The following PTPRN2 variants were observed in gnomAD, a reference collection of about 807,000 sequenced individuals.
The protein encoded by PTPRN2 is protein tyrosine phosphatase receptor type N2.
PTPRN2 carries 74 observed loss-of-function variants against 118.8 expected under a neutral mutation model. That is an observed-to-expected ratio of 0.62 (90% CI 0.52 to 0.76). PTPRN2 has a LOEUF of 0.76. Among genes scored for constraint, PTPRN2 ranks in the 30% least tolerant of loss-of-function variants. The pLI is 0.00. For missense variants in PTPRN2, 1,481 were observed against 1,394.4 expected (o/e 1.06, Z -0.99); for synonymous variants, 641 against 608.0 (o/e 1.05, Z -0.80).
intron 12 of PTPRN2, among the ~76,000 whole-genome samples, chr7:157,800,741 A>G (rs1585503678): frequency 6.6e-6 from 1 of 152,004 alleles, no homozygotes. Flanking sequence ...TCACGAGGTC[A>G]GGAGATCGAG....
chr7:157,637,581 C>T (rs1481922834), intron 14 of PTPRN2, among the ~76,000 whole-genome samples: 1 of 152,196 alleles, frequency 6.6e-6, no homozygotes. Flanking sequence ...CCTCTCCCCA[C>T]CCTGATGGTC....
chr7:158,164,527 AGCGC>A, intron 6 of PTPRN2, among the ~76,000 whole-genome samples: 2 of 3,194 alleles, frequency 6.3e-4, no homozygotes, highest in African/African-American at 9.2e-3. Context: ...TCAGAGCGGG[AGCGC>A]GCACGTAGGG....
intron 6 of PTPRN2, among the ~76,000 whole-genome samples, chr7:158,146,435 T>C (rs904205222): frequency 1.3e-5 from 2 of 151,998 alleles, no homozygotes; most frequent in African/African-American, 4.8e-5. Context: ...TTCTAAGAAA[T>C]AATAGGCTGG....
intron 3 of PTPRN2, among the ~76,000 whole-genome samples, chr7:158,284,336 G>C (rs1027659711): frequency 1.3e-5 from 2 of 151,962 alleles, no homozygotes; most frequent in Admixed American, 6.5e-5. Context: ...CTCCAAGTCA[G>C]CCGGGCACTG....
chr7:158,092,321 G>T (rs1814258446), intron 10 of PTPRN2, among the ~76,000 whole-genome samples: 1 of 141,592 alleles, frequency 7.1e-6, no homozygotes, highest in Non-Finnish European at 1.5e-5. Context: ...AGGGAGGATG[G>T]GTGGATGGAT....
intron 12 of PTPRN2, among the ~76,000 whole-genome samples, chr7:157,734,467 A>T (rs1293464521): frequency 6.6e-6 from 1 of 152,252 alleles, no homozygotes; most frequent in Non-Finnish European, 1.5e-5. Context: ...GCATGCTTGA[A>T]TATAATGAGT....
At chr7:158,328,105 G>A (rs769303361) in intron 2 of PTPRN2, among the ~76,000 whole-genome samples, 5 of 152,192 alleles carry the variant, frequency 3.3e-5, no homozygotes, top group Non-Finnish European at 7.3e-5. Context: ...AGCTGTAAAA[G>A]TGCTCCCATT....
At chr7:158,441,796 G>A (rs1165963237) in intron 2 of PTPRN2, among the ~76,000 whole-genome samples, 36 of 141,764 alleles carry the variant, frequency 2.5e-4, no homozygotes, top group Non-Finnish European at 5.3e-4. Flanking sequence ...TGATAGTGAT[G>A]GTCATGGCAG....
At position 157,615,640 on chromosome 7, in the gene PTPRN2, G is replaced by A. The variant is rs775176295; in HGVS notation, c.2344+5722C>T. On this transcript the variant is annotated intron_variant, in intron 15 of 22. Coordinates refer to ENST00000389418, the MANE Select transcript of PTPRN2 (RefSeq NM_002847.5). This position sits in a 1 kb window ranked among gnomAD's most constrained non-coding sequence, Gnocchi z 4.3. ...GCTCAGCACTGGTCCTGCGGAATGT[G>A]TTTTTATCAATGACTTGACGACGTG... 1 of 467,110 alleles carries A rather than the reference G, an allele frequency of 2.1e-6. No individual in the cohort carries two copies. The highest frequency in any genetic ancestry group is 1.6e-5 in the South Asian group (1 of 64,498). The allele number at this position is 467,110 out of a possible 1,614,324, so 28.9% of individuals were successfully genotyped here.
At position 157,611,794 on chromosome 7, in the gene PTPRN2, G is replaced by T; in HGVS notation, c.2345-7719C>A. On this transcript the variant is annotated intron_variant, in intron 15 of 22. Coordinates refer to ENST00000389418, the MANE Select transcript of PTPRN2 (RefSeq NM_002847.5). This position sits in a 1 kb window ranked among gnomAD's most constrained non-coding sequence, Gnocchi z 5.9. The stretch of plus-strand genomic sequence containing the variant: ...AGCCGCAGTCATGCTGGGGACACGC[G>T]GAGGGAGAGCGCCCGTGTGAAGACG... Among the ~76,000 whole-genome samples the T allele has an allele frequency of 7.4e-6, 1 of 135,088 alleles. No individual in the cohort carries two copies. Among genetic ancestry groups the T allele is most frequent in the African/African-American group, 3.1e-5 (1 of 32,130 alleles). 88.6% of individuals were successfully genotyped at this position (135,088 alleles called of 152,430 possible).
chr7:157,606,592 C>T (rs543394796), intron 15 of PTPRN2, among the ~76,000 whole-genome samples: 11 of 152,336 alleles, frequency 7.2e-5, no homozygotes, highest in South Asian at 2.1e-4. Flanking sequence ...CTGGAGCCCT[C>T]GGAGGCCAGT....
At chr7:158,223,276 T>C (rs1478808579) in intron 3 of PTPRN2, among the ~76,000 whole-genome samples, 2 of 152,182 alleles carry the variant, frequency 1.3e-5, no homozygotes, top group African/African-American at 4.8e-5. Flanking sequence ...ATTCCATAAA[T>C]ATCTTCCAGA....
chr7:158,179,968 G>A (rs1168717124), intron 5 of PTPRN2, among the ~76,000 whole-genome samples: 2 of 152,252 alleles, frequency 1.3e-5, no homozygotes, highest in Non-Finnish European at 2.9e-5. Flanking sequence ...GCTTCCCTGA[G>A]CTGCTACTCT....
At chr7:157,595,197 C>T (rs146321158) in intron 17 of PTPRN2, 41 bp downstream of exon 17, 2 of 1,589,770 alleles carry the variant, frequency 1.3e-6, no homozygotes, top group South Asian at 2.2e-5. Context: ...TTATTGAGAT[C>T]TTCTTTTCAG....
intron 11 of PTPRN2, among the ~76,000 whole-genome samples, chr7:157,979,343 T>C (rs367702355): frequency 8.5e-5 from 13 of 152,252 alleles, no homozygotes; most frequent in African/African-American, 2.9e-4. Context: ...TATCCTTTAA[T>C]CCATGGTTTT....
intron 13 of PTPRN2, among the ~76,000 whole-genome samples, chr7:157,681,911 C>T (rs1796932256): frequency 6.6e-6 from 1 of 152,212 alleles, no homozygotes; most frequent in African/African-American, 2.4e-5. Flanking sequence ...ACTTTTAAAA[C>T]AGTGGTTAAG....
chr7:157,950,336 C>T (rs1800728734), intron 11 of PTPRN2, among the ~76,000 whole-genome samples: 1 of 152,188 alleles, frequency 6.6e-6, no homozygotes, highest in Non-Finnish European at 1.5e-5. Flanking sequence ...GTCAAATGCT[C>T]ACTGCTGGTC....
chr7:158,085,847 C>T (rs1384275394), intron 10 of PTPRN2, among the ~76,000 whole-genome samples: 6 of 144,194 alleles, frequency 4.2e-5, no homozygotes, highest in Admixed American at 2.8e-4. Flanking sequence ...CCATGACGCC[C>T]ATCCACACCC....
intron 3 of PTPRN2, among the ~76,000 whole-genome samples, chr7:158,296,293 C>G (rs1800493225): frequency 6.6e-6 from 1 of 152,140 alleles, no homozygotes; most frequent in Non-Finnish European, 1.5e-5. Flanking sequence ...CACTGACAGG[C>G]ACCAGCAGAC....
Sources: allele counts gnomAD v4.1 joint callset (sites outside exome capture counted in the v4.1 genomes callset), GRCh38; gene constraint gnomAD v4.1.1; non-coding constraint Gnocchi (gnomAD v3.1); transcripts MANE v1.5; gene names NCBI Gene and HGNC (gene_info 2026-07-23, HGNC 2026-07-21).